PRKG1: variants seen among roughly 807,000 people sequenced by gnomAD.
PRKG1 encodes cGMP-dependent protein kinase 1.
PRKG1 carries 35 observed loss-of-function variants against 88.1 expected under a neutral mutation model. That is an observed-to-expected ratio of 0.40 (90% CI 0.30 to 0.53). PRKG1 has a LOEUF of 0.53. Ranked by LOEUF, PRKG1 falls within the 20% of genes least tolerant of loss-of-function variation. The probability of loss-of-function intolerance (pLI) is 0.59; values close to 1 mark genes in which losing one functional copy is unlikely to be tolerated. For synonymous variants in PRKG1, 303 were observed against 292.5 expected (o/e 1.04, Z -0.37); for missense variants, 540 against 839.8 (o/e 0.64, Z 4.41).
chr10:51,582,161 G>GAAAAAATA (rs1163875766), intron 3 of PRKG1, among the ~76,000 whole-genome samples: 3 of 152,098 alleles, frequency 2.0e-5, no homozygotes, highest in Admixed American at 2.0e-4. Flanking sequence ...CCTGAATAGT[G>GAAAAAATA]AAAAAATAAA....
intron 2 of PRKG1, among the ~76,000 whole-genome samples, chr10:51,438,477 T>C (rs1839002376): frequency 6.6e-6 from 1 of 151,974 alleles, no homozygotes; most frequent in Admixed American, 6.6e-5. Context: ...TTGTTTTTGA[T>C]GACCTTGACA....
intron 1 of PRKG1, among the ~76,000 whole-genome samples, chr10:51,152,505 T>G (rs770722687): frequency 9.9e-5 from 15 of 152,138 alleles, no homozygotes; most frequent in Non-Finnish European, 1.0e-4. Flanking sequence ...CTCCCACCAT[T>G]TACTGAAGGT....
At chr10:51,445,927 C>T (rs1564499060) in intron 2 of PRKG1, among the ~76,000 whole-genome samples, 2 of 151,862 alleles carry the variant, frequency 1.3e-5, no homozygotes, top group Non-Finnish European at 2.9e-5. Flanking sequence ...CCTGCTCAAA[C>T]ATTCAATCAG....
chr10:51,198,615 A>G (rs1250443662), intron 2 of PRKG1, among the ~76,000 whole-genome samples: 5 of 152,224 alleles, frequency 3.3e-5, no homozygotes, highest in Non-Finnish European at 5.9e-5. Flanking sequence ...GCATTCATGG[A>G]GGAAGACTCT....
At chr10:51,175,039 C>T (rs1837153602) in intron 2 of PRKG1, among the ~76,000 whole-genome samples, 1 of 151,898 alleles carries the variant, frequency 6.6e-6, no homozygotes, top group Non-Finnish European at 1.5e-5. Context: ...AATTCCCATT[C>T]AGTTTAACTT....
chr10:51,854,345 AT>A (rs1238751305), intron 4 of PRKG1, among the ~76,000 whole-genome samples: 1 of 152,282 alleles, frequency 6.6e-6, no homozygotes, highest in African/African-American at 2.4e-5. Flanking sequence ...ATCTGATTAC[AT>A]CGATATCTCT....
chr10:51,925,946 A>C (rs1842564326), intron 5 of PRKG1, among the ~76,000 whole-genome samples: 1 of 152,308 alleles, frequency 6.6e-6, no homozygotes, highest in South Asian at 2.1e-4. Flanking sequence ...TTTTTAAAAA[A>C]TATAAAATAT....
intron 5 of PRKG1, among the ~76,000 whole-genome samples, chr10:51,995,873 C>T (rs1413349414): frequency 6.6e-6 from 1 of 151,868 alleles, no homozygotes; most frequent in Non-Finnish European, 1.5e-5. Context: ...AAAAAGAAAA[C>T]ATAGGCGGAA....
chr10:51,818,405 CTGTT>C (rs951768987), intron 4 of PRKG1, among the ~76,000 whole-genome samples: 3 of 152,046 alleles, frequency 2.0e-5, no homozygotes, highest in Admixed American at 6.6e-5. Flanking sequence ...AAGAGATACT[CTGTT>C]TGATTACAAA....
intron 3 of PRKG1, among the ~76,000 whole-genome samples, chr10:51,649,624 A>G (rs1839991864): frequency 6.6e-6 from 1 of 152,182 alleles, no homozygotes; most frequent in Non-Finnish European, 1.5e-5. Context: ...TTGAACAAAG[A>G]ATTGGACAAA....
intron 3 of PRKG1, among the ~76,000 whole-genome samples, chr10:51,477,378 C>T (rs1840227475): frequency 6.6e-6 from 1 of 150,924 alleles, no homozygotes; most frequent in African/African-American, 2.4e-5. Flanking sequence ...TCTCGACTCT[C>T]ATGGATGGGT....
At chr10:51,733,294 C>T (rs1008136049) in intron 3 of PRKG1, among the ~76,000 whole-genome samples, 25 of 152,162 alleles carry the variant, frequency 1.6e-4, no homozygotes, top group African/African-American at 5.8e-4. Context: ...ACTGAAAACT[C>T]AAGACAAATT....
At chr10:51,910,399 G>A (rs1000671976) in intron 5 of PRKG1, 6 of 152,134 alleles carry the variant, frequency 3.9e-5, no homozygotes, top group Admixed American at 3.3e-4. Flanking sequence ...ATTTCAAAAG[G>A]ATGGTTCCAA....
At chr10:51,259,463 C>A (rs1056121882) in intron 2 of PRKG1, among the ~76,000 whole-genome samples, 4 of 151,916 alleles carry the variant, frequency 2.6e-5, no homozygotes, top group African/African-American at 9.7e-5. Flanking sequence ...TGGTATCAAC[C>A]CTTTTGTCTT....
At chr10:51,263,931 A>G (rs1839777879) in intron 2 of PRKG1, among the ~76,000 whole-genome samples, 1 of 152,220 alleles carries the variant, frequency 6.6e-6, no homozygotes, top group South Asian at 2.1e-4. Flanking sequence ...TCCATAATAT[A>G]TTATAATTTG....
intron 3 of PRKG1, among the ~76,000 whole-genome samples, chr10:51,546,486 T>G (rs1441608673): frequency 1.3e-5 from 2 of 152,118 alleles, no homozygotes; most frequent in Non-Finnish European, 2.9e-5. Context: ...TAAACTTGCT[T>G]GAAATACTGG....
chr10:51,801,466 A>G (rs929518109), intron 3 of PRKG1, among the ~76,000 whole-genome samples: 1 of 152,176 alleles, frequency 6.6e-6, no homozygotes, highest in Non-Finnish European at 1.5e-5. Flanking sequence ...CCTCTGTACT[A>G]GATCACAAGT....
Position 51,737,270 on chromosome 10 carries a change from A to G in PRKG1, c.593-67315A>G, listed in dbSNP as rs542696509. Among the ~76,000 whole-genome samples the G allele has an allele frequency of 1.9e-4, 29 of 152,276 alleles. No homozygotes were observed. In the South Asian group the frequency reaches 5.2e-3, roughly 27 times the overall value. ...TTTTTCCATATAGCTACTGCTTCAC[A>G]TGCCCACTAGACACTGATGTAGCTC... is the stretch of plus-strand genomic sequence containing the variant. On this transcript the variant is annotated intron_variant, in intron 3 of 17. Transcript: ENST00000373980.
chr10:51,112,667 T>G (rs1845005695), intron 1 of PRKG1, among the ~76,000 whole-genome samples: 1 of 152,184 alleles, frequency 6.6e-6, no homozygotes. Context: ...TAGTTTCTTT[T>G]GTTCGGATAT....
Sources: gnomAD v4.1 joint callset for allele counts (sites outside exome capture counted in the v4.1 genomes callset) on GRCh38, gnomAD v4.1.1 for gene constraint, MANE v1.5 for transcripts, NCBI Gene and HGNC (gene_info 2026-07-23, HGNC 2026-07-21) for gene names.